Variants in ZMYM4 observed in about 807,000 individuals in gnomAD.
ZMYM4 encodes zinc finger MYM-type containing 4, also known as zinc finger MYM-type protein 4.
A neutral mutation model predicts 183.2 loss-of-function variants in ZMYM4; 31 were observed. The ratio of observed to expected loss-of-function variants is 0.17; its 90% CI spans 0.13 to 0.23. The LOEUF is 0.23. Ranked by LOEUF, ZMYM4 falls within the 10% of genes least tolerant of loss-of-function variation. The pLI is 1.00. For missense variants in ZMYM4, 1,273 were observed against 1,840.3 expected, an observed-to-expected ratio of 0.69 and a Z score of 5.64; for synonymous variants, 592 against 631.2, an observed-to-expected ratio of 0.94 and a Z score of 0.93.
intron 2 of ZMYM4, among the ~76,000 whole-genome samples, chr1:35,351,873 T>C (rs1270315127): frequency 6.6e-6 from 1 of 152,232 alleles, no homozygotes; most frequent in East Asian, 1.9e-4. Context: ...CGGTTGACTT[T>C]ACCTCGAAGT....
chr1:35,401,665 C>A (rs1435905039), intron 23 of ZMYM4, among the ~76,000 whole-genome samples: 1 of 152,076 alleles, frequency 6.6e-6, no homozygotes, highest in Non-Finnish European at 1.5e-5. Flanking sequence ...CTTTTTAATA[C>A]CTCATCTAAA....
intron 23 of ZMYM4, among the ~76,000 whole-genome samples, chr1:35,401,944 TA>T (rs1182530544): frequency 2.0e-5 from 3 of 152,192 alleles, no homozygotes; most frequent in African/African-American, 4.8e-5. Flanking sequence ...TGAAACTTTC[TA>T]TTCTGTTCTA....
chr1:35,295,427 A>G (rs1226077656), intron 1 of ZMYM4, among the ~76,000 whole-genome samples: 1 of 152,238 alleles, frequency 6.6e-6, no homozygotes, highest in Non-Finnish European at 1.5e-5. Context: ...CAAGGTGGTG[A>G]ATAACAGTAG....
chr1:35,273,937 C>T (rs1431387753), intron 1 of ZMYM4, among the ~76,000 whole-genome samples: 1 of 152,008 alleles, frequency 6.6e-6, no homozygotes, highest in Non-Finnish European at 1.5e-5. Context: ...AAATTGAACA[C>T]ACATATAGAC....
intron 2 of ZMYM4, among the ~76,000 whole-genome samples, chr1:35,326,961 G>A (rs1642529873): frequency 6.6e-6 from 1 of 152,176 alleles, no homozygotes; most frequent in African/African-American, 2.4e-5. Flanking sequence ...ACAGGTTCAA[G>A]TGATTCTCCT....
At chr1:35,416,001 A>C (rs1298574663) in intron 28 of ZMYM4, among the ~76,000 whole-genome samples, 1 of 152,216 alleles carries the variant, frequency 6.6e-6, no homozygotes, top group Admixed American at 6.5e-5. Flanking sequence ...AAAAAATACA[A>C]ACAGGGTTGA....
At chr1:35,314,681 T>TTTTTG in intron 1 of ZMYM4, among the ~76,000 whole-genome samples, 1 of 147,836 alleles carries the variant, frequency 6.8e-6, no homozygotes, top group African/African-American at 2.5e-5. Flanking sequence ...TTTTTTTTTT[T>TTTTTG]GCTGGGGTAG....
chr1:35,286,131 T>G (rs891947027), intron 1 of ZMYM4, among the ~76,000 whole-genome samples: 1 of 152,208 alleles, frequency 6.6e-6, no homozygotes, highest in South Asian at 2.1e-4. Context: ...CATGATCTTA[T>G]ACGTAGAATA....
chr1:35,281,360 A>G (rs1052835235), intron 1 of ZMYM4, among the ~76,000 whole-genome samples: 1 of 152,184 alleles, frequency 6.6e-6, no homozygotes, highest in Non-Finnish European at 1.5e-5. Flanking sequence ...AGCCAGGCAC[A>G]GGAAGACAAA....
At chr1:35,329,861 A>G (rs1642661863) in intron 2 of ZMYM4, among the ~76,000 whole-genome samples, 1 of 152,140 alleles carries the variant, frequency 6.6e-6, no homozygotes, top group Non-Finnish European at 1.5e-5. Context: ...ACCCTTTAAA[A>G]ATTCTAATAA....
intron 2 of ZMYM4, among the ~76,000 whole-genome samples, chr1:35,327,427 T>G (rs1642552423): frequency 6.6e-6 from 1 of 152,222 alleles, no homozygotes; most frequent in Admixed American, 6.5e-5. Context: ...TTTTGTCAAC[T>G]AGAGTTCTTG....
chr1:35,370,212 C>A, intron 6 of ZMYM4, 99 bp downstream of exon 6: 1 of 1,519,856 alleles, frequency 6.6e-7, no homozygotes, highest in East Asian at 2.3e-5. Context: ...CTCTCTCTAC[C>A]CACTTAGGAT....
intron 1 of ZMYM4, among the ~76,000 whole-genome samples, chr1:35,313,722 G>A (rs1245950997): frequency 6.6e-6 from 1 of 152,030 alleles, no homozygotes; most frequent in East Asian, 1.9e-4. Flanking sequence ...CAGTCTTAGA[G>A]GTTGGGAGAT....
At chr1:35,367,826 A>G (rs1317982099) in intron 5 of ZMYM4, among the ~76,000 whole-genome samples, 1 of 152,112 alleles carries the variant, frequency 6.6e-6, no homozygotes, top group Non-Finnish European at 1.5e-5. Context: ...AAATACAAAA[A>G]TTAGCCGGGT....
At chr1:35,418,360 C>G (rs545397696) in intron 28 of ZMYM4, 83 bp from the exon 29 acceptor site, 2 of 1,469,638 alleles carry the variant, frequency 1.4e-6, no homozygotes, top group Non-Finnish European at 1.8e-6. Flanking sequence ...GTTCTGGCTG[C>G]GAAGCAAAGC....
At position 35,333,355 on chromosome 1, in the gene ZMYM4, T is replaced by C. The variant is rs950167909; in HGVS notation, c.85+7950T>C. The stretch of plus-strand genomic sequence containing the variant: ...TCACTGTAGCTTCCGCCTCCTGGGC[T>C]CAAGCAATTCCTGTTCCTCAGCCTC... On this transcript the variant is annotated intron_variant, in intron 2 of 29. Transcript: ENST00000314607. 4.0e-5 allele frequency among the ~76,000 whole-genome samples: 6 copies of C among 151,134 alleles called. No individual in the cohort carries two copies. In the South Asian group the frequency reaches 1.3e-3, roughly 32 times the overall value.
chr1:35,392,447 G>A, intron 16 of ZMYM4, 95 bp downstream of exon 16: 1 of 1,467,924 alleles, frequency 6.8e-7, no homozygotes. Flanking sequence ...TCATACATTT[G>A]ACACATTCAA....
At position 35,296,994 on chromosome 1, in the gene ZMYM4, C is replaced by T. The variant is rs574851648; in HGVS notation, c.39+27909C>T. Among the ~76,000 whole-genome samples the T allele has an allele frequency of 9.2e-5, 14 of 151,812 alleles. 2 individuals carry two copies. The highest frequency in any genetic ancestry group is 2.9e-4 in the African/African-American group (12 of 41,440). ...CCTCCTGAGTAGCTAGGATTACAGG[C>T]GTGCGCCACCACACCCTGCTAACGT... is the stretch of plus-strand genomic sequence containing the variant. On this transcript the variant is annotated intron_variant, in intron 1 of 29. Transcript: ENST00000314607.
intron 7 of ZMYM4, among the ~76,000 whole-genome samples, chr1:35,379,842 T>A (rs1644414678): frequency 6.6e-6 from 1 of 152,192 alleles, no homozygotes; most frequent in South Asian, 2.1e-4. Flanking sequence ...GGCTGGTCAA[T>A]GGAGCAGTCA....
Sources: allele counts gnomAD v4.1 joint callset (sites outside exome capture counted in the v4.1 genomes callset), GRCh38; gene constraint gnomAD v4.1.1; transcripts MANE v1.5; gene names NCBI Gene and HGNC (gene_info 2026-07-23, HGNC 2026-07-21).